Variants in ANKFN1 observed in about 807,000 individuals in gnomAD.
ANKFN1 encodes the protein ankyrin repeat and fibronectin type-III domain-containing protein 1.
ANKFN1 carries 74 observed loss-of-function variants against 108.7 expected under a neutral mutation model. That is an observed-to-expected ratio of 0.68 (90% CI 0.56 to 0.83). ANKFN1 has a LOEUF of 0.83. Among genes scored for constraint, ANKFN1 ranks in the 40% least tolerant of loss-of-function variants. The pLI, the probability that ANKFN1 is intolerant of heterozygous loss-of-function variation, is 0.00. For synonymous variants in ANKFN1, 547 were observed against 516.2 expected, an observed-to-expected ratio of 1.06 and a Z score of -0.81; for missense variants, 1,505 against 1,382.3, an observed-to-expected ratio of 1.09 and a Z score of -1.41.
chr17:56,285,660 T>G (rs1196225882), intron 3 of ANKFN1, among the ~76,000 whole-genome samples: 3 of 152,144 alleles, frequency 2.0e-5, no homozygotes, highest in African/African-American at 7.2e-5. Context: ...AGCTTGTGAC[T>G]CCATAACTGT....
intron 18 of ANKFN1, among the ~76,000 whole-genome samples, chr17:56,488,858 A>G (rs1473129882): frequency 6.6e-6 from 1 of 152,258 alleles, no homozygotes; most frequent in Non-Finnish European, 1.5e-5. Flanking sequence ...TAATATTCTA[A>G]TCACTACCAC....
chr17:56,111,261 G>A lies in ANKFN1; in HGVS notation c.288+64936G>A, dbSNP rs144884122. On this transcript the variant is annotated intron_variant, in intron 4 of 12. Transcript: ENST00000635860. Reference sequence around the variant, plus strand: ...TGTGCTCACCTCCACCTCCAGTAAGGAGTGATCACTTTCTCCCTGGTTAAC... The same window carrying A: ...TGTGCTCACCTCCACCTCCAGTAAGAAGTGATCACTTTCTCCCTGGTTAAC... 5.3e-3 allele frequency among the ~76,000 whole-genome samples: 813 copies of A among 152,266 alleles called. 6 individuals carry two copies. The highest frequency in any genetic ancestry group is 0.019 in the African/African-American group (776 of 41,556).
At chr17:56,148,071 A>G (rs1010908484) in intron 4 of ANKFN1, among the ~76,000 whole-genome samples, 3 of 152,242 alleles carry the variant, frequency 2.0e-5, no homozygotes, top group African/African-American at 7.2e-5. Flanking sequence ...TTATTGTTGA[A>G]ACCAGAATTC....
intron 4 of ANKFN1, among the ~76,000 whole-genome samples, chr17:56,078,112 C>T (rs934731051): frequency 1.3e-5 from 2 of 152,262 alleles, no homozygotes; most frequent in Middle Eastern, 3.4e-3. Context: ...TAGTAAGACA[C>T]CTGTGGTAGG....
At chr17:56,393,810 G>C (rs2047504098) in intron 8 of ANKFN1, among the ~76,000 whole-genome samples, 1 of 152,152 alleles carries the variant, frequency 6.6e-6, no homozygotes, top group African/African-American at 2.4e-5. Flanking sequence ...TATGTGCCAG[G>C]CATTTTTCTA....
chr17:56,465,140 A>T (rs2145277571), intron 14 of ANKFN1, among the ~76,000 whole-genome samples: 1 of 152,034 alleles, frequency 6.6e-6, no homozygotes, highest in South Asian at 2.1e-4. Context: ...CCAGCATCAC[A>T]CTGCTTATTA....
intron 20 of ANKFN1, among the ~76,000 whole-genome samples, chr17:56,506,218 C>T (rs1483773573): frequency 6.7e-6 from 1 of 150,320 alleles, no homozygotes; most frequent in Non-Finnish European, 1.5e-5. Flanking sequence ...CCCCCTCCCA[C>T]CACCCCATGA....
chr17:56,481,919 G>C (rs1416675780), intron 17 of ANKFN1, among the ~76,000 whole-genome samples: 2 of 152,066 alleles, frequency 1.3e-5, no homozygotes, highest in African/African-American at 4.8e-5. Flanking sequence ...TTGGGAGAAG[G>C]CTGCCTAACT....
At chr17:56,211,753 C>T (rs544565867) in intron 1 of ANKFN1, among the ~76,000 whole-genome samples, 21 of 152,184 alleles carry the variant, frequency 1.4e-4, no homozygotes, top group South Asian at 1.0e-3. Context: ...GATGTGTTTC[C>T]ATTTGTGTCA....
At chr17:56,066,965 C>T (rs1161940262) in intron 4 of ANKFN1, among the ~76,000 whole-genome samples, 1 of 152,168 alleles carries the variant, frequency 6.6e-6, no homozygotes, top group Non-Finnish European at 1.5e-5. Flanking sequence ...CCAAGGCTGG[C>T]AGACCACCTG....
chr17:56,440,309 C>T lies in ANKFN1; in HGVS notation c.911-18C>T, dbSNP rs762245320. ...TTCTCCCTCTTTCTCTCTCTCCCTG[C>T]CCCCCTACTCCCTCCAGTGGAATGG... On this transcript the variant is annotated intron_variant, in intron 8 of 20. Coordinates refer to ENST00000682825, the MANE Select transcript of ANKFN1 (RefSeq NM_001370326.1). 7 of 1,520,638 alleles carry T rather than the reference C, an allele frequency of 4.6e-6. No homozygotes were observed. The highest frequency in any genetic ancestry group is 1.4e-5 in the African/African-American group (1 of 72,954). The allele number at this position is 1,520,638 out of a possible 1,614,324, so 94.2% of individuals were successfully genotyped here. A position where few individuals can be genotyped will look rare whatever the true frequency, so the allele number is the denominator to read the frequency against.
chr17:56,279,535 G>C (rs1331360789), intron 3 of ANKFN1, among the ~76,000 whole-genome samples: 1 of 152,130 alleles, frequency 6.6e-6, no homozygotes, highest in Non-Finnish European at 1.5e-5. Flanking sequence ...TGGCATCCAG[G>C]AGCAGAATAA....
chr17:56,436,552 G>GGT (rs982884119), intron 8 of ANKFN1, among the ~76,000 whole-genome samples: 115 of 152,170 alleles, frequency 7.6e-4, no homozygotes, highest in Middle Eastern at 3.4e-3. Context: ...GGCCGGGCAC[G>GGT]GTGGCTCATG....
chr17:56,475,312 A>G (rs561876656), intron 15 of ANKFN1, among the ~76,000 whole-genome samples: 1 of 152,332 alleles, frequency 6.6e-6, no homozygotes, highest in African/African-American at 2.4e-5. Flanking sequence ...TAGGGATGAC[A>G]TCATATTCAT....
intron 3 of ANKFN1, among the ~76,000 whole-genome samples, chr17:56,265,749 T>A (rs2043633240): frequency 6.6e-6 from 1 of 152,244 alleles, no homozygotes; most frequent in Non-Finnish European, 1.5e-5. Context: ...TCTTATTTAC[T>A]TTAAATCATC....
intron 8 of ANKFN1, among the ~76,000 whole-genome samples, chr17:56,416,363 AT>A (rs756699252): frequency 1.2e-4 from 18 of 152,218 alleles, no homozygotes; most frequent in Non-Finnish European, 2.1e-4. Context: ...AGGAAAAAAA[AT>A]CTAATAATCT....
chr17:56,463,365 A>G (rs2049973982), intron 14 of ANKFN1, among the ~76,000 whole-genome samples: 2 of 152,228 alleles, frequency 1.3e-5, no homozygotes, highest in Non-Finnish European at 2.9e-5. Context: ...CCAGTACTTC[A>G]TCATCTTACT....
chr17:56,138,045 T>C (rs13341071), intron 4 of ANKFN1, among the ~76,000 whole-genome samples: 3,825 of 152,224 alleles, frequency 0.025, 173 homozygotes, highest in African/African-American at 0.088. Context: ...AAAGATACAG[T>C]ACGGATTGCT....
Position 56,321,117 on chromosome 17 carries a change from AC to A in ANKFN1, c.54-5100del, listed in dbSNP as rs369270143. On this transcript the variant is annotated intron_variant, in intron 3 of 20. Transcript: ENST00000682825. ...GATTGAATAGCCAATGCACTCCCCC[AC>A]CCCTTTTCTTTTTTCTTTGGGGATT... Among the ~76,000 whole-genome samples the A allele has an allele frequency of 5.0e-4, 75 of 149,800 alleles. No individual in the cohort carries two copies. In the East Asian group the frequency reaches 0.014, roughly 27 times the overall value.
Sources: allele counts gnomAD v4.1 joint callset (sites outside exome capture counted in the v4.1 genomes callset), GRCh38; gene constraint gnomAD v4.1.1; transcripts MANE v1.5; gene names NCBI Gene and HGNC (gene_info 2026-07-23, HGNC 2026-07-21).